ANKFN1: variants seen among roughly 807,000 people sequenced by gnomAD.
ANKFN1 encodes the protein ankyrin repeat and fibronectin type-III domain-containing protein 1.
A neutral mutation model predicts 108.7 loss-of-function variants in ANKFN1; 74 were observed. The ratio of observed to expected loss-of-function variants is 0.68; its 90% confidence interval spans 0.56 to 0.83. The LOEUF (loss-of-function observed/expected upper bound fraction) is 0.83, where lower values mean the gene tolerates loss of function less well. Among genes scored for constraint, ANKFN1 ranks in the 40% least tolerant of loss-of-function variants. The pLI, the probability that ANKFN1 is intolerant of heterozygous loss-of-function variation, is 0.00. For synonymous variants in ANKFN1, 547 were observed against 516.2 expected, an observed-to-expected ratio of 1.06 and a Z score of -0.81; for missense variants, 1,505 against 1,382.3, an observed-to-expected ratio of 1.09 and a Z score of -1.41.
chr17:56,127,585 A>G (rs1423631553), intron 4 of ANKFN1, among the ~76,000 whole-genome samples: 2 of 152,074 alleles, frequency 1.3e-5, no homozygotes, highest in Non-Finnish European at 2.9e-5. Flanking sequence ...AAATGCTGGG[A>G]TTGCAGGTGT....
intron 8 of ANKFN1, among the ~76,000 whole-genome samples, chr17:56,410,111 G>C (rs2048043694): frequency 6.6e-6 from 1 of 152,040 alleles, no homozygotes; most frequent in African/African-American, 2.4e-5. Flanking sequence ...TTTTGAGACG[G>C]AGTCTCACTC....
intron 6 of ANKFN1, among the ~76,000 whole-genome samples, chr17:56,357,902 G>A (rs141816387): frequency 7.2e-5 from 11 of 152,284 alleles, no homozygotes; most frequent in African/African-American, 1.2e-4. Flanking sequence ...TGAGGGAGAC[G>A]TTGTTTTCTT....
intron 4 of ANKFN1, among the ~76,000 whole-genome samples, chr17:56,328,431 T>C (rs2045579342): frequency 6.6e-6 from 1 of 152,190 alleles, no homozygotes; most frequent in Non-Finnish European, 1.5e-5. Flanking sequence ...ATTCAAACAT[T>C]CCTAGGGGAA....
At chr17:56,209,171 G>C (rs979085217) in intron 1 of ANKFN1, among the ~76,000 whole-genome samples, 2 of 151,802 alleles carry the variant, frequency 1.3e-5, no homozygotes, top group Non-Finnish European at 2.9e-5. Context: ...CCACCGGCTC[G>C]TGTTCTAAAT....
In ANKFN1 at chr17:56,365,157, A is replaced by G. The variant is rs549463726; in HGVS notation, c.602-7489A>G. Among the ~76,000 whole-genome samples, 9 of 152,304 alleles carry G rather than the reference A, an allele frequency of 5.9e-5. No individual in the cohort carries two copies. The East Asian group carries it at 1.7e-3, about 29-fold the overall frequency. On this transcript the variant is annotated intron_variant, in intron 6 of 20. Coordinates refer to ENST00000682825, the MANE Select transcript of ANKFN1 (RefSeq NM_001370326.1). ...AAAATAAATTTTATTAACTGCCCAG[A>G]GTATATTTGTTACAATGCAACGTTC...
chr17:56,119,055 G>A (rs987294271), intron 4 of ANKFN1, among the ~76,000 whole-genome samples: 6 of 152,074 alleles, frequency 3.9e-5, no homozygotes, highest in Non-Finnish European at 8.8e-5. Flanking sequence ...TTTCTATTTT[G>A]AACATGTTGA....
intron 1 of ANKFN1, among the ~76,000 whole-genome samples, chr17:56,177,070 T>G (rs1217190099): frequency 6.6e-6 from 1 of 152,190 alleles, no homozygotes; most frequent in African/African-American, 2.4e-5. Flanking sequence ...TCGTAGGGAT[T>G]TCCCCAGAGC....
chr17:56,334,408 C>T (rs2045749520), intron 4 of ANKFN1, among the ~76,000 whole-genome samples: 1 of 152,010 alleles, frequency 6.6e-6, no homozygotes, highest in South Asian at 2.1e-4. Flanking sequence ...TTGATTGTGA[C>T]AAATGGTTTC....
At chr17:56,256,423 G>A (rs1307208049) in intron 3 of ANKFN1, among the ~76,000 whole-genome samples, 2 of 152,258 alleles carry the variant, frequency 1.3e-5, no homozygotes, top group South Asian at 2.1e-4. Context: ...GCTCCAGTGT[G>A]CGGGCTTTGC....
chr17:56,286,319 A>G (rs1467088281), intron 3 of ANKFN1, among the ~76,000 whole-genome samples: 1 of 152,158 alleles, frequency 6.6e-6, no homozygotes, highest in Non-Finnish European at 1.5e-5. Flanking sequence ...GAACTTAGTG[A>G]TTTAAAACAA....
intron 4 of ANKFN1, among the ~76,000 whole-genome samples, chr17:56,067,434 A>C (rs1268083539): frequency 6.6e-6 from 1 of 152,058 alleles, no homozygotes; most frequent in East Asian, 1.9e-4. Flanking sequence ...TCTTTATCTC[A>C]TGGCCTCTCT....
chr17:56,141,178 G>A (rs771371432), intron 4 of ANKFN1, among the ~76,000 whole-genome samples: 1 of 152,110 alleles, frequency 6.6e-6, no homozygotes, highest in African/African-American at 2.4e-5. Context: ...ATCTCTGAGC[G>A]CTACATTTAT....
At chr17:56,081,783 G>A (rs922323782) in intron 4 of ANKFN1, among the ~76,000 whole-genome samples, 1 of 152,202 alleles carries the variant, frequency 6.6e-6, no homozygotes, top group African/African-American at 2.4e-5. Flanking sequence ...AGCACAGTGC[G>A]TTTAGGAGGT....
chr17:56,452,528 A>C (rs566754090), intron 11 of ANKFN1, among the ~76,000 whole-genome samples: 1 of 152,146 alleles, frequency 6.6e-6, no homozygotes, highest in Non-Finnish European at 1.5e-5. Flanking sequence ...CTCTCTGGAA[A>C]TATTTGCTAG....
intron 8 of ANKFN1, among the ~76,000 whole-genome samples, chr17:56,428,406 A>T (rs1206724026): frequency 6.6e-6 from 1 of 151,246 alleles, no homozygotes; most frequent in African/African-American, 2.4e-5. Context: ...TTGTGACATT[A>T]ATTATATGCT....
Position 56,510,635 on chromosome 17 carries a change from C to G in ANKFN1, c.2807C>G (p.Ala936Gly), listed in dbSNP as rs1158722950. 1 of 1,536,048 alleles carries G rather than the reference C, an allele frequency of 6.5e-7. No individual in the cohort carries two copies. The highest frequency in any genetic ancestry group is 8.7e-7 in the Non-Finnish European group (1 of 1,146,920). Residue 936 changes from alanine (A) to glycine (G), a missense_variant, in exon 21 of 21, where the codon GCC becomes GGC. Ala to Gly is a moderately conservative substitution (Grantham distance 60, BLOSUM62 0). Coordinates refer to ENST00000682825, the MANE Select transcript of ANKFN1 (RefSeq NM_001370326.1). ...ACCCTTAGCGGCCTAAGCGGCAGCG[C>G]CCCCGACGTCCTGCAAGTGCACGAC... ...QQTLSGLSGS[A>G]PDVLQVHDVK...
intron 3 of ANKFN1, among the ~76,000 whole-genome samples, chr17:56,298,429 A>G (rs759271430): frequency 3.3e-5 from 5 of 152,214 alleles, no homozygotes; most frequent in African/African-American, 7.2e-5. Flanking sequence ...AACTCATACC[A>G]TATTAAGATT....
rs150151424 is a variant in ANKFN1 at position 56,093,827 on chromosome 17, T to G, written c.288+47502T>G. Among the ~76,000 whole-genome samples, 111 of 151,540 alleles carry G rather than the reference T, an allele frequency of 7.3e-4. 4 individuals carry two copies. The highest frequency in any genetic ancestry group is 2.2e-3 in the African/African-American group (90 of 41,340). On this transcript the variant is annotated intron_variant, in intron 4 of 12. Coordinates refer to the ANKFN1 transcript ENST00000635860. ...TGTAACTGATGAAGTTTCTTGAGTG[T>G]GGTACCTGTTATAAGTTGAATTGTG...
upstream of ANKFN1, among the ~76,000 whole-genome samples, chr17:56,150,894 T>C (rs1908563063): frequency 6.6e-6 from 1 of 152,206 alleles, no homozygotes; most frequent in East Asian, 1.9e-4. Flanking sequence ...AGAAAGAATG[T>C]GATGAAGTAA....
Sources: gnomAD v4.1 joint callset for allele counts (sites outside exome capture counted in the v4.1 genomes callset) on GRCh38, gnomAD v4.1.1 for gene constraint, MANE v1.5 for transcripts, NCBI Gene and HGNC (gene_info 2026-07-23, HGNC 2026-07-21) for gene names.